Variants in RASGRP2 observed in about 807,000 individuals in gnomAD.
RASGRP2 encodes RAS guanyl releasing protein 2, also known as RAS guanyl-releasing protein 2.
A neutral mutation model predicts 71.0 loss-of-function variants in RASGRP2; 44 were observed. That is an observed-to-expected ratio of 0.62 (90% confidence interval 0.49 to 0.80). The LOEUF (loss-of-function observed/expected upper bound fraction) is 0.80. RASGRP2 is among the 30% of genes least tolerant of loss of function. RASGRP2 has a pLI of 0.00. For missense variants in RASGRP2, 663 were observed against 813.4 expected, an observed-to-expected ratio of 0.82 and a Z score of 2.25; for synonymous variants, 350 against 330.7, an observed-to-expected ratio of 1.06 and a Z score of -0.63.
rs569602568 is a variant in RASGRP2 at position 64,735,160 on chromosome 11, C to T, written c.1364G>A (p.Arg455His). The T allele has an allele frequency of 1.5e-5, 25 of 1,614,174 alleles. No homozygotes were observed. In the South Asian group the frequency reaches 2.1e-4, roughly 13 times the overall value. The change falls in exon 12 of 17, where the codon CGT becomes CAT. Residue 455 changes from arginine to histidine, a missense_variant. Coordinates refer to ENST00000394432, the MANE Select transcript of RASGRP2 (RefSeq NM_001098671.2). The surrounding 1 kb of genome is among the most constrained non-coding windows in gnomAD (Gnocchi z 4.2). ...GGCGCTGAGGTAAGGGAAGTTCCCA[C>T]GGATGATCTGGAATTCTTCCTGTGA... ...HISQEEFQII[R>H]GNFPYLSAFG...
In RASGRP2 at chr11:64,730,102, T is replaced by TG; in HGVS notation, c.1504dup (p.Gln502ProfsTer46). On this transcript the variant is annotated frameshift_variant, in exon 13 of 17. Coordinates refer to ENST00000394432, the MANE Select transcript of RASGRP2 (RefSeq NM_001098671.2). LOFTEE classifies it high-confidence loss of function. ...GACGGGGCGCAAGGAGTTGCTCTCC[T>TG]GGAAGTTGTGTACGAAGCCCATGCG... 3.9e-6 allele frequency: 6 copies of TG among 1,550,764 alleles called. No homozygotes were observed. The highest frequency in any genetic ancestry group is 5.2e-6 in the Non-Finnish European group (6 of 1,147,132).
chr11:64,742,213 CGCTCGACCCCGCCCACCTCCT>C lies in RASGRP2; in HGVS notation c.74-122_74-102del. On this transcript the variant is annotated intron_variant, in intron 2 of 16. Coordinates refer to ENST00000394432, the MANE Select transcript of RASGRP2 (RefSeq NM_001098671.2). This position sits in a 1 kb window ranked among gnomAD's most constrained non-coding sequence, Gnocchi z 4.7. ...GCCAGGTATCGGTCCTTCGGGTGCA[CGCTCGACCCCGCCCACCTCCT>C]GCTTGCCCAGGACTCCGAGAGCAGG... 1 of 864,308 alleles carries C rather than the reference CGCTCGACCCCGCCCACCTCCT, an allele frequency of 1.2e-6. No homozygotes were observed. Among genetic ancestry groups the C allele is most frequent in the Non-Finnish European group, 1.9e-6 (1 of 521,836 alleles). The allele number at this position is 864,308 out of a possible 1,614,324, so 53.5% of individuals were successfully genotyped here. A position where few individuals can be genotyped will look rare whatever the true frequency, so the allele number is the denominator to read the frequency against.
rs780634022 is a variant in RASGRP2 at position 64,740,165 on chromosome 11, TG to T, written c.372-3del. On this transcript the variant is annotated splice_region_variant and splice_polypyrimidine_tract_variant and intron_variant, in intron 5 of 16. Transcript: ENST00000394432. ...TGCCGCTTCCACTTGTAGGTAGGGC[TG>T]GGGGGGCAGGGGTAGTGAGCCCTTT... 4 of 1,613,666 alleles carry T rather than the reference TG, an allele frequency of 2.5e-6. No individual in the cohort carries two copies. The highest frequency in any genetic ancestry group is 1.1e-5 in the South Asian group (1 of 91,050).
Position 64,727,107 on chromosome 11 carries a change from G to C in RASGRP2, c.*31C>G. On this transcript the variant is annotated 3_prime_UTR_variant, in exon 17 of 17. Transcript: ENST00000394432. ...GGTTGAAGTATTTTCTCCAAGGCAG[G>C]AATGAGTCCTTGATCCAACCACAGC... 1.5e-5 allele frequency: 9 copies of C among 584,840 alleles called. No homozygotes were observed. The highest frequency in any genetic ancestry group is 1.4e-4 in the South Asian group (8 of 55,914). The allele number at this position is 584,840 out of a possible 1,614,324, so 36.2% of individuals were successfully genotyped here.
chr11:64,728,675 C>T (rs563540722), intron 15 of RASGRP2, among the ~76,000 whole-genome samples, 188 bp downstream of exon 15: 4 of 152,242 alleles, frequency 2.6e-5, no homozygotes, highest in South Asian at 4.1e-4. Flanking sequence ...CCTCGTGATC[C>T]GCCCGCCTCG....
At position 64,735,058 on chromosome 11, in the gene RASGRP2, G is replaced by T; in HGVS notation, c.1412+54C>A. On this transcript the variant is annotated intron_variant, in intron 12 of 16. Transcript: ENST00000394432. The surrounding 1 kb of genome is among the most constrained non-coding windows in gnomAD (Gnocchi z 4.2). ...TTGCACACAAGAAACTGAAGCCCAG[G>T]CAGAAGTGGGCTGAGTTGCCTTCCC... 1 of 1,333,714 alleles carries T rather than the reference G, an allele frequency of 7.5e-7. No individual in the cohort carries two copies. The highest frequency in any genetic ancestry group is 1.1e-6 in the Non-Finnish European group (1 of 924,270). The allele number at this position is 1,333,714 out of a possible 1,614,324, so 82.6% of individuals were successfully genotyped here. A position where few individuals can be genotyped will look rare whatever the true frequency, so the allele number is the denominator to read the frequency against.
At chr11:64,740,294 TC>T in intron 5 of RASGRP2, 131 bp from the exon 6 acceptor site, 2 of 1,157,652 alleles carry the variant, frequency 1.7e-6, no homozygotes, top group South Asian at 2.6e-5. Flanking sequence ...GCACGAATGT[TC>T]CCAGTCCCAG....
At chr11:64,741,578 G>C in intron 3 of RASGRP2, 77 bp from the exon 4 acceptor site, 1 of 1,284,258 alleles carries the variant, frequency 7.8e-7, no homozygotes, top group Non-Finnish European at 1.1e-6. Flanking sequence ...GGCGGGGCCT[G>C]GTTCTAGGAG....
intron 15 of RASGRP2, among the ~76,000 whole-genome samples, chr11:64,728,244 T>C (rs1168173501): frequency 6.6e-6 from 1 of 152,212 alleles, no homozygotes; most frequent in East Asian, 1.9e-4. Flanking sequence ...GGCAAGCCAA[T>C]GGCTCATATA....
At chr11:64,734,339 G>C (rs1020205649) in intron 12 of RASGRP2, among the ~76,000 whole-genome samples, 4 of 151,568 alleles carry the variant, frequency 2.6e-5, no homozygotes. Context: ...TTTTTGTAGA[G>C]ACAGGGTCTT....
At chr11:64,727,508 T>G (rs2057606160) in intron 15 of RASGRP2, 148 bp from the exon 16 acceptor site, 1 of 4,678 alleles carries the variant, frequency 2.1e-4, no homozygotes, top group Non-Finnish European at 2.5e-3. Flanking sequence ...ACAGCCCAAT[T>G]TTTTTTTTTT....
chr11:64,736,683 C>G, intron 9 of RASGRP2, 70 bp downstream of exon 9: 1 of 1,508,716 alleles, frequency 6.6e-7, no homozygotes. Flanking sequence ...GCCACGCCCA[C>G]AGCCAGGACC....
chr11:64,736,109 C>G (rs927442098), intron 9 of RASGRP2, 129 bp from the exon 10 acceptor site: 5 of 763,686 alleles, frequency 6.5e-6, no homozygotes, highest in Non-Finnish European at 9.1e-6. Flanking sequence ...AGGACAAAGC[C>G]TGGCTTAGAA....
intron 13 of RASGRP2, 50 bp downstream of exon 13, chr11:64,730,003 G>A: frequency 2.0e-6 from 3 of 1,537,260 alleles, no homozygotes; most frequent in African/African-American, 1.4e-5. Context: ...GGGCGGGGCC[G>A]GGGCTGGAGG....
chr11:64,729,946 T>C, intron 13 of RASGRP2, 107 bp downstream of exon 13: 1 of 1,531,842 alleles, frequency 6.5e-7, no homozygotes, highest in South Asian at 1.2e-5. Context: ...AATTACCAGG[T>C]TTTCCTGGCT....
At position 64,735,795 on chromosome 11, in the gene RASGRP2, T is replaced by G; in HGVS notation, c.1173+108A>C. 1 of 1,476,580 alleles carries G rather than the reference T, an allele frequency of 6.8e-7. No individual in the cohort carries two copies. The highest frequency in any genetic ancestry group is 2.0e-5 in the Admixed American group (1 of 51,202). The allele number at this position is 1,476,580 out of a possible 1,614,324, so 91.5% of individuals were successfully genotyped here. ...CTGCCCTACCCCCAGGATGCCTCTG[T>G]CCTACAAGATGGATGGGTGAGGTGG... On this transcript the variant is annotated intron_variant, in intron 10 of 16. Coordinates refer to ENST00000394432, the MANE Select transcript of RASGRP2 (RefSeq NM_001098671.2). The surrounding 1 kb of genome is among the most constrained non-coding windows in gnomAD (Gnocchi z 4.2).
chr11:64,735,381 AC>A lies in RASGRP2; in HGVS notation c.1297-155del. 23 of 1,381,962 alleles carry A rather than the reference AC, an allele frequency of 1.7e-5. No individual in the cohort carries two copies. The highest frequency in any genetic ancestry group is 2.3e-5 in the Non-Finnish European group (23 of 980,112). 85.6% of individuals were successfully genotyped at this position (1,381,962 alleles called of 1,614,324 possible). A position where few individuals can be genotyped will look rare whatever the true frequency, so the allele number is the denominator to read the frequency against. On this transcript the variant is annotated intron_variant, in intron 11 of 16. Coordinates refer to ENST00000394432, the MANE Select transcript of RASGRP2 (RefSeq NM_001098671.2). This position sits in a 1 kb window ranked among gnomAD's most constrained non-coding sequence, Gnocchi z 4.2. ...CGTTCCATACCTCCACCCCCACCCT[AC>A]CCAGGGGCACTTCAGCCCCGTGCAG...
rs1330765025 is a variant in RASGRP2, at chr11:64,742,013, T to C, written c.173A>G (p.His58Arg). ...PSSQLAAKLL[H>R]IYQQSRKDNS... ...TGGCAAGGCCGGCGAAGGATATATG[T>C]GGAGCAGCTTGGCCGCCAGCTGAGA... is the stretch of plus-strand genomic sequence containing the variant. The change falls in exon 3 of 17, where the codon CAC (histidine) becomes CGC (arginine). Residue 58 changes from histidine (H) to arginine (R), a missense_variant. His to Arg is a conservative substitution (Grantham distance 29). Coordinates refer to ENST00000394432, the MANE Select transcript of RASGRP2 (RefSeq NM_001098671.2). The surrounding 1 kb of genome is among the most constrained non-coding windows in gnomAD (Gnocchi z 4.7). 2 of 1,608,378 alleles carry C rather than the reference T, an allele frequency of 1.2e-6. No homozygotes were observed. Among genetic ancestry groups the C allele is most frequent in the African/African-American group, 2.7e-5 (2 of 74,818 alleles).
rs961404219 is a variant in RASGRP2, at chr11:64,739,162, A to G, written c.813+198T>C. ...TCTTAAAAAAAAAAAAAAAAGTACT[A>G]GCTTTGGGGTCCCTGACGACCTGTG... On this transcript the variant is annotated intron_variant, in intron 8 of 16. Coordinates refer to ENST00000394432, the MANE Select transcript of RASGRP2 (RefSeq NM_001098671.2). This position sits in a 1 kb window ranked among gnomAD's most constrained non-coding sequence, Gnocchi z 4.2. 6.6e-6 allele frequency among the ~76,000 whole-genome samples: 1 copy of G among 150,910 alleles called. No individual in the cohort carries two copies. Among genetic ancestry groups the G allele is most frequent in the African/African-American group, 2.4e-5 (1 of 40,972 alleles).
Sources: gnomAD v4.1 joint callset for allele counts (sites outside exome capture counted in the v4.1 genomes callset) on GRCh38, gnomAD v4.1.1 for gene constraint, Gnocchi (gnomAD v3.1) non-coding constraint, MANE v1.5 for transcripts, NCBI Gene and HGNC (gene_info 2026-07-23, HGNC 2026-07-21) for gene names.